USP12: variants seen among roughly 807,000 people sequenced by gnomAD.
The protein encoded by USP12 is ubiquitin carboxyl-terminal hydrolase 12.
A neutral mutation model predicts 45.5 loss-of-function variants in USP12; 19 were observed. The observed-to-expected ratio is 0.42, with a 90% CI of 0.29 to 0.61. USP12 has a LOEUF of 0.61. USP12 is among the 20% of genes least tolerant of loss of function. USP12 has a pLI of 0.22. For synonymous variants in USP12, 149 were observed against 148.8 expected, an observed-to-expected ratio of 1.00 and a Z score of -0.01; for missense variants, 242 against 447.7, an observed-to-expected ratio of 0.54 and a Z score of 4.15.
At chr13:27,155,145 G>A (rs1181540414) in intron 1 of USP12, among the ~76,000 whole-genome samples, 4 of 128,196 alleles carry the variant, frequency 3.1e-5, no homozygotes, top group Non-Finnish European at 6.2e-5. Context: ...GCAGTGGCGC[G>A]ATCTCGGCTC....
chr13:27,141,016 T>A (rs1877028532), intron 1 of USP12, among the ~76,000 whole-genome samples: 1 of 136,626 alleles, frequency 7.3e-6, no homozygotes, highest in Non-Finnish European at 1.5e-5. Context: ...AAGTCACTTT[T>A]TTTTTTTTTT....
intron 3 of USP12, among the ~76,000 whole-genome samples, chr13:27,105,278 A>G (rs1875078130): frequency 6.6e-6 from 1 of 152,186 alleles, no homozygotes. Flanking sequence ...GCTCCTGGCA[A>G]GCCTTTTTTA....
chr13:27,166,953 C>T (rs1158844219), intron 1 of USP12, among the ~76,000 whole-genome samples: 37 of 152,010 alleles, frequency 2.4e-4, no homozygotes, highest in Admixed American at 2.4e-3. Flanking sequence ...TTAGGATGGG[C>T]ATGAATGATG....
chr13:27,123,931 C>A (rs572476550), intron 1 of USP12, among the ~76,000 whole-genome samples: 7 of 152,090 alleles, frequency 4.6e-5, no homozygotes, highest in African/African-American at 1.7e-4. Flanking sequence ...CCTTTTCACA[C>A]CCAGAAATCA....
chr13:27,091,132 A>G (rs1172550952), intron 4 of USP12, among the ~76,000 whole-genome samples: 2 of 152,152 alleles, frequency 1.3e-5, no homozygotes, highest in East Asian at 3.8e-4. Flanking sequence ...GTCTGGTGAA[A>G]AAGAAGAGGG....
At chr13:27,112,341 A>G (rs570032487) in intron 2 of USP12, among the ~76,000 whole-genome samples, 1 of 148,384 alleles carries the variant, frequency 6.7e-6, no homozygotes, top group Non-Finnish European at 1.5e-5. Flanking sequence ...GCTGGGGTGC[A>G]GTGGTATGAT....
intron 1 of USP12, among the ~76,000 whole-genome samples, chr13:27,163,543 G>A (rs1425664825): frequency 1.3e-5 from 2 of 152,014 alleles, no homozygotes; most frequent in Non-Finnish European, 2.9e-5. Flanking sequence ...CTCATTGCAT[G>A]CATTTGTTTT....
intron 1 of USP12, among the ~76,000 whole-genome samples, chr13:27,137,503 A>T (rs1876857681): frequency 6.6e-6 from 1 of 152,224 alleles, no homozygotes; most frequent in African/African-American, 2.4e-5. Context: ...TGCTGTAAAT[A>T]GATAGATGTA....
chr13:27,170,740 G>A (rs759315302), intron 1 of USP12, among the ~76,000 whole-genome samples: 67 of 152,232 alleles, frequency 4.4e-4, no homozygotes, highest in Non-Finnish European at 8.1e-4. Context: ...CGCACAGACA[G>A]ACCTAGCTCC....
chr13:27,145,226 C>T (rs2137825179), intron 1 of USP12, among the ~76,000 whole-genome samples: 2 of 152,298 alleles, frequency 1.3e-5, no homozygotes, highest in Middle Eastern at 6.8e-3. Context: ...TGAAGAATGA[C>T]AGGTGGCCAA....
chr13:27,123,658 T>C (rs765639530), intron 1 of USP12, among the ~76,000 whole-genome samples: 4 of 152,228 alleles, frequency 2.6e-5, no homozygotes, highest in Non-Finnish European at 5.9e-5. Flanking sequence ...CTGATGATTT[T>C]ACAAAGGGCA....
intron 1 of USP12, chr13:27,170,290 T>C: frequency 2.5e-6 from 1 of 398,502 alleles, no homozygotes; most frequent in Non-Finnish European, 4.4e-6. Context: ...TAGTAGAGAA[T>C]CTGCTTTTTA....
chr13:27,130,851 A>G (rs1243848673), intron 1 of USP12, among the ~76,000 whole-genome samples: 3 of 152,240 alleles, frequency 2.0e-5, no homozygotes, highest in Non-Finnish European at 4.4e-5. Flanking sequence ...AGATTACACA[A>G]GTATCACAAG....
chr13:27,101,482 C>G (rs1874858977), intron 3 of USP12, among the ~76,000 whole-genome samples: 2 of 152,160 alleles, frequency 1.3e-5, no homozygotes, highest in South Asian at 2.1e-4. Flanking sequence ...TAGTAAGCAC[C>G]TACTATGTGC....
At chr13:27,070,523 A>T (rs1873199564) in intron 8 of USP12, among the ~76,000 whole-genome samples, 1 of 150,658 alleles carries the variant, frequency 6.6e-6, no homozygotes, top group Non-Finnish European at 1.5e-5. Flanking sequence ...TTTTAAAGCC[A>T]GGTCTGTTGT....
In USP12 at chr13:27,067,110, ACTTGG is replaced by A. The variant is rs1299414479; in HGVS notation, c.*2168_*2172del. 1 of 152,192 alleles carries A rather than the reference ACTTGG, an allele frequency of 6.6e-6. No homozygotes were observed. Among genetic ancestry groups the A allele is most frequent in the Non-Finnish European group, 1.5e-5 (1 of 68,034 alleles). 9.4% of individuals were successfully genotyped at this position (152,192 alleles called of 1,614,324 possible). A position where few individuals can be genotyped will look rare whatever the true frequency, so the allele number is the denominator to read the frequency against. ...AGAACTTGCTTTAATATGAAATTTAACTTGGCTTTTACGGCATGTTTTTTTTTAAT... is the reference window on the plus strand; with the variant it reads ...AGAACTTGCTTTAATATGAAATTTAACTTTTACGGCATGTTTTTTTTTAAT... On this transcript the variant is annotated 3_prime_UTR_variant, in exon 9 of 9. Transcript: ENST00000282344.
At chr13:27,099,872 A>C (rs1874785381) in intron 3 of USP12, among the ~76,000 whole-genome samples, 1 of 152,214 alleles carries the variant, frequency 6.6e-6, no homozygotes, top group Non-Finnish European at 1.5e-5. Context: ...GTTTAAAAAC[A>C]ATAAAAGTCA....
chr13:27,144,176 G>A (rs1364317121), intron 1 of USP12, among the ~76,000 whole-genome samples: 1 of 151,900 alleles, frequency 6.6e-6, no homozygotes, highest in South Asian at 2.1e-4. Context: ...TCCAGCCTGG[G>A]TGACAGAGTA....
At chr13:27,083,444 C>T (rs1373325737) in intron 6 of USP12, among the ~76,000 whole-genome samples, 1 of 151,904 alleles carries the variant, frequency 6.6e-6, no homozygotes, top group Admixed American at 6.6e-5. Context: ...CAGCCTCCCC[C>T]TTGCCCCCAT....
Sources: gnomAD v4.1 joint callset for allele counts (sites outside exome capture counted in the v4.1 genomes callset) on GRCh38, gnomAD v4.1.1 for gene constraint, MANE v1.5 for transcripts, NCBI Gene and HGNC (gene_info 2026-07-23, HGNC 2026-07-21) for gene names.